The following RBMS3 variants were observed in gnomAD, a reference collection of about 807,000 sequenced individuals.
RBMS3 encodes RNA binding motif single stranded interacting protein 3, also known as RNA-binding motif, single-stranded-interacting protein 3.
Under a neutral mutation model 66.8 loss-of-function variants are expected in RBMS3, and 27 were observed. The observed-to-expected ratio is 0.40, with a 90% confidence interval of 0.30 to 0.56. The LOEUF (loss-of-function observed/expected upper bound fraction) is 0.56, where lower values mean the gene tolerates loss of function less well. RBMS3 is among the 20% of genes least tolerant of loss of function. The pLI is 0.40. For missense variants in RBMS3, 513 were observed against 549.5 expected, an observed-to-expected ratio of 0.93 and a Z score of 0.66; for synonymous variants, 188 against 183.0, an observed-to-expected ratio of 1.03 and a Z score of -0.22.
At chr3:29,386,611 T>C (rs1042979943) in intron 1 of RBMS3, among the ~76,000 whole-genome samples, 1 of 152,166 alleles carries the variant, frequency 6.6e-6, no homozygotes, top group Non-Finnish European at 1.5e-5. Context: ...ACATCAGTTA[T>C]GTTTTTCCTT....
intron 14 of RBMS3, among the ~76,000 whole-genome samples, chr3:29,996,319 G>A (rs1375978229): frequency 1.3e-5 from 2 of 150,142 alleles, no homozygotes; most frequent in African/African-American, 4.9e-5. Flanking sequence ...ATTAATAATG[G>A]GAGACTTTAA....
intron 2 of RBMS3, among the ~76,000 whole-genome samples, chr3:29,473,955 G>T (rs1224642521): frequency 6.6e-6 from 1 of 152,250 alleles, no homozygotes; most frequent in Admixed American, 6.5e-5. Flanking sequence ...CTCCCACAGT[G>T]CAGTGGTGGG....
At chr3:29,732,326 C>G (rs910452637) in intron 4 of RBMS3, among the ~76,000 whole-genome samples, 3 of 152,144 alleles carry the variant, frequency 2.0e-5, no homozygotes, top group South Asian at 4.1e-4. Flanking sequence ...GGAGGATCAG[C>G]CTTTTTGTTT....
chr3:29,963,732 T>C (rs1347641777), intron 12 of RBMS3, among the ~76,000 whole-genome samples: 1 of 148,174 alleles, frequency 6.7e-6, no homozygotes, highest in African/African-American at 2.5e-5. Context: ...GAGGCTGAGG[T>C]GGGAGAATCA....
intron 6 of RBMS3, among the ~76,000 whole-genome samples, chr3:29,856,248 G>A (rs2059073284): frequency 6.6e-6 from 1 of 152,134 alleles, no homozygotes; most frequent in African/African-American, 2.4e-5. Context: ...TTGAATGAAT[G>A]TATTAAAAAT....
intron 6 of RBMS3, among the ~76,000 whole-genome samples, chr3:29,764,644 G>A (rs1401588881): frequency 6.6e-6 from 1 of 151,992 alleles, no homozygotes; most frequent in East Asian, 1.9e-4. Flanking sequence ...ATATTGGTAT[G>A]TCAAAAAGAC....
intron 10 of RBMS3, chr3:29,903,067 G>A (rs2060293407): frequency 6.6e-6 from 1 of 151,922 alleles, no homozygotes; most frequent in African/African-American, 2.4e-5. Context: ...AATTTCTAAA[G>A]TTTGCCATTT....
intron 4 of RBMS3, among the ~76,000 whole-genome samples, chr3:29,651,488 T>C (rs2050142752): frequency 6.6e-6 from 1 of 152,192 alleles, no homozygotes; most frequent in Admixed American, 6.5e-5. Flanking sequence ...AGGTCACTTG[T>C]GGTTTGTACA....
intron 4 of RBMS3, among the ~76,000 whole-genome samples, chr3:29,713,665 T>G (rs1414680564): frequency 6.6e-6 from 1 of 152,182 alleles, no homozygotes; most frequent in Non-Finnish European, 1.5e-5. Context: ...GTTTTATACT[T>G]TAATGCATTC....
At chr3:29,827,318 A>G (rs1243082891) in intron 6 of RBMS3, among the ~76,000 whole-genome samples, 1 of 152,218 alleles carries the variant, frequency 6.6e-6, no homozygotes, top group African/African-American at 2.4e-5. Context: ...AAATAGGTTA[A>G]TGAAATTTTT....
intron 1 of RBMS3, among the ~76,000 whole-genome samples, chr3:29,285,241 G>T (rs1186227588): frequency 1.8e-3 from 247 of 134,250 alleles, no homozygotes; most frequent in African/African-American, 6.3e-3. Flanking sequence ...GGTGGGGTGG[G>T]GGTGGGGGTG....
chr3:29,921,878 A>G (rs1221169838), intron 10 of RBMS3, among the ~76,000 whole-genome samples: 1 of 152,188 alleles, frequency 6.6e-6, no homozygotes, highest in East Asian at 1.9e-4. Context: ...TCTCAGGCTT[A>G]TTCCTGGGGA....
At chr3:29,403,085 T>G (rs2039880653) in intron 1 of RBMS3, among the ~76,000 whole-genome samples, 1 of 151,790 alleles carries the variant, frequency 6.6e-6, no homozygotes, top group African/African-American at 2.4e-5. Context: ...CTGCTGGTTA[T>G]AAATGAATCA....
At chr3:29,583,330 A>T (rs1470079744) in intron 3 of RBMS3, among the ~76,000 whole-genome samples, 1 of 152,164 alleles carries the variant, frequency 6.6e-6, no homozygotes, top group Non-Finnish European at 1.5e-5. Context: ...GCCATAAAAT[A>T]AGAGGCTGCC....
rs1160367269 is a variant in RBMS3, at chr3:29,447,718, T to C, written c.248+12803T>C. On this transcript the variant is annotated intron_variant, in intron 2 of 14. Coordinates refer to ENST00000383767, the MANE Select transcript of RBMS3 (RefSeq NM_001003793.3). ...GTTAATTTGCTCCCAATTTGAAAAT[T>C]GTGTGTAAAACTGATGGCCATTTTG... 3.3e-5 allele frequency among the ~76,000 whole-genome samples: 5 copies of C among 152,204 alleles called. No homozygotes were observed. In the East Asian group the frequency reaches 9.6e-4, roughly 29 times the overall value.
At chr3:29,532,574 T>G (rs1188200222) in intron 3 of RBMS3, among the ~76,000 whole-genome samples, 1 of 151,838 alleles carries the variant, frequency 6.6e-6, no homozygotes, top group East Asian at 1.9e-4. Flanking sequence ...AAAATAAAAT[T>G]TAAAAAATTA....
At chr3:29,497,018 CTT>C (rs199605144) in intron 3 of RBMS3, among the ~76,000 whole-genome samples, 6 of 147,924 alleles carry the variant, frequency 4.1e-5, no homozygotes, top group South Asian at 2.1e-4. Flanking sequence ...ATTGGGAAAA[CTT>C]TTTTTTTTTT....
At chr3:29,678,177 C>A (rs1236637415) in intron 4 of RBMS3, among the ~76,000 whole-genome samples, 1 of 152,112 alleles carries the variant, frequency 6.6e-6, no homozygotes, top group Non-Finnish European at 1.5e-5. Context: ...CCTGTTAATA[C>A]ATGATTCATT....
chr3:29,481,168 G>T lies in RBMS3; in HGVS notation c.249-7273G>T, dbSNP rs1265198251. On this transcript the variant is annotated intron_variant, in intron 2 of 14. Transcript: ENST00000383767. ...CAATGACTAACATGAGTTGAAAAAT[G>T]TAGAGAACTTAGAAAAAGGGCTAGT... is the stretch of plus-strand genomic sequence containing the variant. Among the ~76,000 whole-genome samples, 3 of 152,314 alleles carry T rather than the reference G, an allele frequency of 2.0e-5. No homozygotes were observed. The East Asian group carries it at 5.8e-4, about 29-fold the overall frequency.
Sources: allele counts gnomAD v4.1 joint callset (sites outside exome capture counted in the v4.1 genomes callset), GRCh38; gene constraint gnomAD v4.1.1; transcripts MANE v1.5; gene names NCBI Gene and HGNC (gene_info 2026-07-23, HGNC 2026-07-21).